Variants in STAG1 observed in about 807,000 individuals in gnomAD.
STAG1 encodes STAG1 cohesin complex component.
In STAG1, 26 loss-of-function variants were observed where a neutral mutation model predicts 170.9. The ratio of observed to expected loss-of-function variants is 0.15; its 90% CI spans 0.11 to 0.21. The LOEUF (loss-of-function observed/expected upper bound fraction) is 0.21. STAG1 is among the 10% of genes least tolerant of loss of function. The pLI is 1.00. For missense variants in STAG1, 964 were observed against 1,509.5 expected (o/e 0.64, Z 5.99); for synonymous variants, 514 against 497.7 (o/e 1.03, Z -0.44).
At chr3:136,646,888 G>A (rs1941040194) in intron 1 of STAG1, among the ~76,000 whole-genome samples, 1 of 151,892 alleles carries the variant, frequency 6.6e-6, no homozygotes, top group Non-Finnish European at 1.5e-5. Flanking sequence ...CTCCAGCCTG[G>A]GCAACAGAGC....
At chr3:136,422,274 T>C (rs2087981642) in intron 19 of STAG1, 136 bp downstream of exon 19, 1 of 684,064 alleles carries the variant, frequency 1.5e-6, no homozygotes, top group East Asian at 2.8e-5. Context: ...ACAATTGTAA[T>C]AAGGTTGCTA....
At chr3:136,599,359 T>C (rs1938567610) in intron 4 of STAG1, among the ~76,000 whole-genome samples, 1 of 151,880 alleles carries the variant, frequency 6.6e-6, no homozygotes, top group African/African-American at 2.4e-5. Context: ...GGCAAAACCC[T>C]GTATCTACTA....
chr3:136,521,474 CT>C (rs879165752), intron 6 of STAG1, 57 bp from the exon 7 acceptor site: 107 of 1,471,860 alleles, frequency 7.3e-5, no homozygotes, highest in African/African-American at 9.9e-5. Flanking sequence ...TTGATGAAAG[CT>C]TTTTTTTTCT....
chr3:136,400,680 C>T (rs1320904143), intron 21 of STAG1, among the ~76,000 whole-genome samples: 1 of 151,944 alleles, frequency 6.6e-6, no homozygotes, highest in East Asian at 1.9e-4. Flanking sequence ...GGATTACAGG[C>T]GCCTGCCACC....
intron 21 of STAG1, among the ~76,000 whole-genome samples, chr3:136,412,383 AT>A (rs2087648183): frequency 6.6e-6 from 1 of 152,234 alleles, no homozygotes; most frequent in Admixed American, 6.5e-5. Flanking sequence ...GGCAAAGATC[AT>A]AAATCGGTAC....
chr3:136,593,622 C>A (rs1938291603), intron 4 of STAG1, among the ~76,000 whole-genome samples: 1 of 152,296 alleles, frequency 6.6e-6, no homozygotes, highest in East Asian at 1.9e-4. Context: ...GACCACGTAT[C>A]TATGATCTTT....
chr3:136,533,017 C>A (rs1387039615), intron 6 of STAG1, among the ~76,000 whole-genome samples: 6 of 152,154 alleles, frequency 3.9e-5, no homozygotes, highest in Non-Finnish European at 8.8e-5. Flanking sequence ...TTTAGAAGAA[C>A]CCAAAGCCTC....
At chr3:136,742,589 C>T (rs1021344774) in intron 1 of STAG1, among the ~76,000 whole-genome samples, 2 of 151,806 alleles carry the variant, frequency 1.3e-5, no homozygotes, top group East Asian at 1.9e-4. Flanking sequence ...GTGGTGTGCG[C>T]CTGTAATCCC....
intron 15 of STAG1, among the ~76,000 whole-genome samples, chr3:136,439,978 C>T (rs2088583405): frequency 6.6e-6 from 1 of 152,128 alleles, no homozygotes; most frequent in African/African-American, 2.4e-5. Context: ...CACAATGAAA[C>T]ACCTAATAGT....
intron 22 of STAG1, among the ~76,000 whole-genome samples, chr3:136,380,978 T>C (rs1243830242): frequency 6.7e-6 from 1 of 148,634 alleles, no homozygotes; most frequent in Non-Finnish European, 1.5e-5. Flanking sequence ...TGAGATTGAT[T>C]GTGCCACTGC....
chr3:136,349,609 T>G (rs561422605), intron 28 of STAG1, among the ~76,000 whole-genome samples: 1 of 152,260 alleles, frequency 6.6e-6, no homozygotes, highest in South Asian at 2.1e-4. Flanking sequence ...TGTACGGTCT[T>G]TCCTATATTT....
intron 7 of STAG1, among the ~76,000 whole-genome samples, chr3:136,513,377 G>A (rs1158906757): frequency 2.0e-5 from 3 of 151,780 alleles, no homozygotes; most frequent in Non-Finnish European, 4.4e-5. Context: ...GGAAGACTTG[G>A]AAAATAAGAA....
intron 1 of STAG1, among the ~76,000 whole-genome samples, chr3:136,742,731 A>G (rs1281041163): frequency 2.0e-5 from 3 of 151,872 alleles, no homozygotes; most frequent in Non-Finnish European, 1.5e-5. Flanking sequence ...AAAAAAAAGA[A>G]AAGAAAATTA....
At chr3:136,408,993 C>T (rs2087556353) in intron 21 of STAG1, among the ~76,000 whole-genome samples, 1 of 152,168 alleles carries the variant, frequency 6.6e-6, no homozygotes, top group Non-Finnish European at 1.5e-5. Context: ...AAGCCAGGTG[C>T]GGTGCCTCAC....
chr3:136,568,816 T>C lies in STAG1; in HGVS notation c.343A>G (p.Ile115Val), dbSNP rs142260634. The change falls in exon 5 of 34, where the codon ATC becomes GTC. Residue 115 changes from isoleucine (I) to valine (V), a missense_variant. By Grantham distance (29) the Ile-to-Val change is conservative (BLOSUM62 3). Transcript: ENST00000383202. ...AAGTTGATTAAATCCAGAAGTGCGATGTCCCTGTCTTGTTTATATGATTCA... is the reference window on the plus strand; with the variant it reads ...AAGTTGATTAAATCCAGAAGTGCGACGTCCCTGTCTTGTTTATATGATTCA... ...WIESYKQDRD[I>V]ALLDLINFFI... is the part of the protein sequence containing the mutation. 85 of 1,612,482 alleles carry C rather than the reference T, an allele frequency of 5.3e-5. 1 individual carries two copies. Among genetic ancestry groups the C allele is most frequent in the African/African-American group, 4.9e-4 (37 of 74,854 alleles).
chr3:136,490,189 G>A (rs1159288974), intron 9 of STAG1, among the ~76,000 whole-genome samples: 1 of 151,960 alleles, frequency 6.6e-6, no homozygotes, highest in Non-Finnish European at 1.5e-5. Context: ...TACAGGCACA[G>A]ACCATCACAC....
At chr3:136,733,845 C>G (rs979437251) in intron 1 of STAG1, among the ~76,000 whole-genome samples, 8 of 152,134 alleles carry the variant, frequency 5.3e-5, no homozygotes, top group African/African-American at 1.7e-4. Context: ...CAGTGGCCCA[C>G]GCCTGTAATC....
chr3:136,591,965 A>G (rs1938207041), intron 4 of STAG1, among the ~76,000 whole-genome samples: 1 of 152,206 alleles, frequency 6.6e-6, no homozygotes, highest in African/African-American at 2.4e-5. Flanking sequence ...AAGAAAGAAT[A>G]TTAGAAACAG....
intron 1 of STAG1, chr3:136,736,773 C>T (rs1334194715): frequency 2.5e-6 from 4 of 1,598,248 alleles, no homozygotes; most frequent in Non-Finnish European, 3.4e-6. Context: ...TTATATACAG[C>T]TTGTTTGAAC....
Sources: allele counts gnomAD v4.1 joint callset (sites outside exome capture counted in the v4.1 genomes callset), GRCh38; gene constraint gnomAD v4.1.1; transcripts MANE v1.5; gene names NCBI Gene and HGNC (gene_info 2026-07-23, HGNC 2026-07-21).